MAP2: variants seen among roughly 807,000 people sequenced by gnomAD.
MAP2 encodes the protein microtubule-associated protein 2.
MAP2 carries 14 observed loss-of-function variants against 137.6 expected under a neutral mutation model. The observed-to-expected ratio is 0.10, with a 90% CI of 0.07 to 0.16. The LOEUF (loss-of-function observed/expected upper bound fraction) is 0.16, where lower values mean the gene tolerates loss of function less well. Among genes scored for constraint, MAP2 ranks in the 10% least tolerant of loss-of-function variants. The pLI is 1.00. For missense variants in MAP2, 2,088 were observed against 2,191.5 expected, an observed-to-expected ratio of 0.95 and a Z score of 0.94; for synonymous variants, 786 against 782.3, an observed-to-expected ratio of 1.00 and a Z score of -0.08.
intron 2 of MAP2, among the ~76,000 whole-genome samples, chr2:209,555,321 G>C (rs1289056967): frequency 6.6e-6 from 1 of 152,148 alleles, no homozygotes; most frequent in East Asian, 1.9e-4. Context: ...AAGCTAAGAT[G>C]CCAGCGAATA....
At chr2:209,602,959 T>C (rs1175223640) in intron 3 of MAP2, among the ~76,000 whole-genome samples, 2 of 152,194 alleles carry the variant, frequency 1.3e-5, no homozygotes, top group Admixed American at 1.3e-4. Flanking sequence ...CTAATGACTC[T>C]CAGGCAGGCA....
chr2:209,592,954 T>C (rs189204988), intron 3 of MAP2, among the ~76,000 whole-genome samples: 1 of 152,270 alleles, frequency 6.6e-6, no homozygotes, highest in Admixed American at 6.5e-5. Context: ...ATTTTTTCAC[T>C]TTTTCTCCGT....
intron 2 of MAP2, among the ~76,000 whole-genome samples, chr2:209,564,556 T>TAAAAA (rs757367849): frequency 1.8e-5 from 1 of 55,992 alleles, no homozygotes; most frequent in African/African-American, 6.2e-5. Context: ...CTCTGTGGAG[T>TAAAAA]AAAAAAAAAA....
chr2:209,626,617 A>T (rs1266263546), intron 4 of MAP2, among the ~76,000 whole-genome samples: 1 of 152,180 alleles, frequency 6.6e-6, no homozygotes, highest in African/African-American at 2.4e-5. Flanking sequence ...GTGTGTTCTA[A>T]CACTGCTATG....
chr2:209,475,248 A>C (rs914271798), intron 1 of MAP2, among the ~76,000 whole-genome samples: 1 of 152,098 alleles, frequency 6.6e-6, no homozygotes, highest in East Asian at 1.9e-4. Flanking sequence ...TCTTCTGATC[A>C]GTTCTTAAAA....
intron 1 of MAP2, among the ~76,000 whole-genome samples, chr2:209,440,980 G>T (rs1697613420): frequency 6.6e-6 from 1 of 151,428 alleles, no homozygotes; most frequent in African/African-American, 2.4e-5. Context: ...CTTTGGGGGA[G>T]GAAACATACA....
chr2:209,512,789 A>G (rs13022394), intron 2 of MAP2, among the ~76,000 whole-genome samples: 8,869 of 152,018 alleles, frequency 0.058, 296 homozygotes, highest in South Asian at 0.092. Context: ...CTGTGGTAGC[A>G]TGCACCAGCA....
intron 3 of MAP2, among the ~76,000 whole-genome samples, chr2:209,598,967 A>G (rs1400264815): frequency 6.6e-6 from 1 of 151,912 alleles, no homozygotes; most frequent in Admixed American, 6.6e-5. Context: ...ATACCCAGTA[A>G]TGGGATGGCT....
intron 1 of MAP2, among the ~76,000 whole-genome samples, chr2:209,462,075 C>T (rs1317061360): frequency 6.6e-6 from 1 of 152,112 alleles, no homozygotes; most frequent in Non-Finnish European, 1.5e-5. Context: ...AATTCCTCTC[C>T]TACCTTGAGC....
chr2:209,587,899 C>A (rs1417551197), intron 3 of MAP2, among the ~76,000 whole-genome samples: 1 of 152,060 alleles, frequency 6.6e-6, no homozygotes, highest in Non-Finnish European at 1.5e-5. Context: ...TCCTTAGAAA[C>A]TAGAAATTTA....
rs550211315 is a variant in MAP2, at chr2:209,577,211, A to AT, written c.-171-2814dup. On this transcript the variant is annotated intron_variant, in intron 2 of 15. Coordinates refer to ENST00000682079, the MANE Select transcript of MAP2 (RefSeq NM_001375505.1). ...ACAGGGAGATTATATTTAAAGGGGC[A>AT]TTTTTTTTTTTGCGGGTCGGGGGAA... Among the ~76,000 whole-genome samples the AT allele has an allele frequency of 2.6e-3, 383 of 146,930 alleles. 2 individuals carry two copies. The highest frequency in any genetic ancestry group is 3.7e-3 in the East Asian group (19 of 5,080).
At chr2:209,599,712 C>A (rs2082416375) in intron 3 of MAP2, among the ~76,000 whole-genome samples, 1 of 151,720 alleles carries the variant, frequency 6.6e-6, no homozygotes, top group African/African-American at 2.4e-5. Flanking sequence ...TTTTTGCAAG[C>A]AGAATGTCTG....
Position 209,700,255 on chromosome 2 carries a change from G to T in MAP2, c.4523-22G>T, listed in dbSNP as rs373330676. 408 of 1,609,422 alleles carry T rather than the reference G, an allele frequency of 2.5e-4. 1 individual carries two copies. Among genetic ancestry groups the T allele is most frequent in the Non-Finnish European group, 3.2e-4 (382 of 1,176,514 alleles). ...CTTTTTAGCAACTAAGTTTGGGGTT[G>T]TTTGTCTTTTATTTTCAACAGCAGC... On this transcript the variant is annotated intron_variant, in intron 10 of 15. Coordinates refer to ENST00000682079, the MANE Select transcript of MAP2 (RefSeq NM_001375505.1).
intron 1 of MAP2, among the ~76,000 whole-genome samples, chr2:209,447,452 A>G (rs1699332909): frequency 1.3e-5 from 2 of 152,064 alleles, no homozygotes; most frequent in South Asian, 4.1e-4. Flanking sequence ...GTAATATGTT[A>G]TATAACCCCA....
intron 3 of MAP2, among the ~76,000 whole-genome samples, chr2:209,596,583 A>G (rs529414695): frequency 6.6e-6 from 1 of 152,328 alleles, no homozygotes; most frequent in African/African-American, 2.4e-5. Flanking sequence ...GGCCACTATT[A>G]AAAGTAAAGG....
intron 5 of MAP2, among the ~76,000 whole-genome samples, chr2:209,660,297 T>C (rs557500477): frequency 7.9e-5 from 12 of 152,116 alleles, no homozygotes; most frequent in African/African-American, 2.6e-4. Flanking sequence ...AGCTATGTCT[T>C]ATAAAATCTG....
chr2:209,637,311 C>G (rs2093652217), intron 4 of MAP2, among the ~76,000 whole-genome samples: 1 of 151,982 alleles, frequency 6.6e-6, no homozygotes, highest in African/African-American at 2.4e-5. Context: ...GGCGTGGTGG[C>G]AGGCACCTGT....
intron 1 of MAP2, among the ~76,000 whole-genome samples, chr2:209,474,529 G>A (rs1213365968): frequency 6.6e-6 from 1 of 152,022 alleles, no homozygotes; most frequent in Non-Finnish European, 1.5e-5. Context: ...TAATATAATA[G>A]TATGGACCAT....
chr2:209,559,650 C>A (rs2153342506), intron 2 of MAP2, among the ~76,000 whole-genome samples: 1 of 152,058 alleles, frequency 6.6e-6, no homozygotes, highest in East Asian at 1.9e-4. Flanking sequence ...GACTCTGTCT[C>A]AAAAAAATAA....
Sources: allele counts gnomAD v4.1 joint callset (sites outside exome capture counted in the v4.1 genomes callset), GRCh38; gene constraint gnomAD v4.1.1; transcripts MANE v1.5; gene names NCBI Gene and HGNC (gene_info 2026-07-23, HGNC 2026-07-21).